The following FAM118B variants were observed in gnomAD, a reference collection of about 807,000 sequenced individuals.
FAM118B encodes SIR2 antiphage like 1, also known as protein FAM118B.
FAM118B carries 24 observed loss-of-function variants against 38.5 expected under a neutral mutation model. That is an observed-to-expected ratio of 0.62 (90% CI 0.45 to 0.88). FAM118B has a LOEUF of 0.88. Among genes scored for constraint, FAM118B ranks in the 40% least tolerant of loss-of-function variants. The probability of loss-of-function intolerance (pLI) is 0.00; values close to 1 mark genes in which losing one functional copy is unlikely to be tolerated. For missense variants in FAM118B, 334 were observed against 420.0 expected (o/e 0.80, Z 1.79); for synonymous variants, 138 against 156.3 (o/e 0.88, Z 0.87).
chr11:126,231,606 C>G (rs1171136867), intron 2 of FAM118B, among the ~76,000 whole-genome samples: 1 of 152,072 alleles, frequency 6.6e-6, no homozygotes, highest in African/African-American at 2.4e-5. Context: ...CATTCAGTAC[C>G]TAAATAAGAA....
At chr11:126,241,888 C>T (rs892702368) in intron 4 of FAM118B, among the ~76,000 whole-genome samples, 11 of 149,972 alleles carry the variant, frequency 7.3e-5, no homozygotes, top group African/African-American at 2.4e-4. Flanking sequence ...TAGGGCCAGG[C>T]GTGGTGGGCA....
Position 126,250,284 on chromosome 11 carries a change from G to T in FAM118B, c.340-222G>T, listed in dbSNP as rs1950483164. Among the ~76,000 whole-genome samples the T allele has an allele frequency of 6.6e-6, 1 of 151,952 alleles. No individual in the cohort carries two copies. Among genetic ancestry groups the T allele is most frequent in the Non-Finnish European group, 1.5e-5 (1 of 67,970 alleles). ...TTTTTTTTATTTTTAGTAGAGACGG[G>T]GTTTCACCGTGTTAGCCAGGATGGT... On this transcript the variant is annotated intron_variant, in intron 4 of 8. Coordinates refer to ENST00000533050, the MANE Select transcript of FAM118B (RefSeq NM_024556.4). This position sits in a 1 kb window ranked among gnomAD's most constrained non-coding sequence, Gnocchi z 5.1.
intron 3 of FAM118B, among the ~76,000 whole-genome samples, chr11:126,238,656 A>G (rs1950313247): frequency 6.6e-6 from 1 of 152,326 alleles, no homozygotes; most frequent in East Asian, 1.9e-4. Context: ...CAACCTCTGC[A>G]GAAGGGAAAC....
At chr11:126,242,737 G>C (rs1021430468) in intron 4 of FAM118B, among the ~76,000 whole-genome samples, 3 of 152,206 alleles carry the variant, frequency 2.0e-5, no homozygotes, top group African/African-American at 7.2e-5. Flanking sequence ...AATAATAAGT[G>C]TTATTAAGGA....
chr11:126,262,006 G>C, intron 8 of FAM118B, 114 bp from the exon 9 acceptor site: 1 of 943,376 alleles, frequency 1.1e-6, no homozygotes, highest in Non-Finnish European at 1.6e-6. Flanking sequence ...AAGATTCCTA[G>C]AATCTCCTGT....
rs559194884 is a variant in FAM118B at position 126,239,674 on chromosome 11, C to T, written c.87-1118C>T. Among the ~76,000 whole-genome samples the T allele has an allele frequency of 6.0e-4, 91 of 152,254 alleles. 1 individual carries two copies. The highest frequency in any genetic ancestry group is 2.1e-3 in the African/African-American group (89 of 41,550). On this transcript the variant is annotated intron_variant, in intron 3 of 8. Coordinates refer to ENST00000533050, the MANE Select transcript of FAM118B (RefSeq NM_024556.4). ...GACTACAGGTGTGCGCCACCAGACCCAGCTAATTTTTGTATTTTTAGTAGA... is the reference window on the plus strand; with the variant it reads ...GACTACAGGTGTGCGCCACCAGACCTAGCTAATTTTTGTATTTTTAGTAGA...
intron 4 of FAM118B, among the ~76,000 whole-genome samples, chr11:126,243,771 G>A (rs1316325373): frequency 1.3e-5 from 2 of 152,030 alleles, no homozygotes; most frequent in Non-Finnish European, 2.9e-5. Flanking sequence ...GGGCATGGTA[G>A]TGCATGCCTG....
rs1041999349 is a variant in FAM118B, at chr11:126,244,734, C to A, written c.339+3690C>A. Among the ~76,000 whole-genome samples, 2 of 152,046 alleles carry A rather than the reference C, an allele frequency of 1.3e-5. No homozygotes were observed. Among genetic ancestry groups the A allele is most frequent in the African/African-American group, 4.8e-5 (2 of 41,388 alleles). ...CAGGAGAATCACTTGAACCTGGGAG[C>A]AGAGGTTGCAGCGAGCCAGGATCCC... On this transcript the variant is annotated intron_variant, in intron 4 of 8. Coordinates refer to ENST00000533050, the MANE Select transcript of FAM118B (RefSeq NM_024556.4). This position sits in a 1 kb window ranked among gnomAD's most constrained non-coding sequence, Gnocchi z 4.5.
chr11:126,235,021 AG>A lies in FAM118B; in HGVS notation c.22del (p.Ala8ProfsTer4). ...AACTGGATGGCTTCTACAGGGAGCC[AG>A]GCCTCTGATATAGACGAGATTTTTG... MASTGS[Q>X]ASDIDEIFGF... is the part of the protein sequence containing the mutation. On this transcript the variant is annotated frameshift_variant, in exon 3 of 9. Transcript: ENST00000533050. LOFTEE classifies it high-confidence loss of function. 1 of 1,614,144 alleles carries A rather than the reference AG, an allele frequency of 6.2e-7. No individual in the cohort carries two copies. The highest frequency in any genetic ancestry group is 2.2e-5 in the East Asian group (1 of 44,878).
chr11:126,235,756 T>C (rs1041225804), intron 3 of FAM118B, among the ~76,000 whole-genome samples: 1 of 152,202 alleles, frequency 6.6e-6, no homozygotes, highest in African/African-American at 2.4e-5. Context: ...CCTGACCTCG[T>C]GATCCACCCG....
In FAM118B at chr11:126,253,200, A is replaced by G. The variant is rs2135206153; in HGVS notation, c.568-1105A>G. On this transcript the variant is annotated intron_variant, in intron 5 of 8. Transcript: ENST00000533050. The surrounding 1 kb of genome is among the most constrained non-coding windows in gnomAD (Gnocchi z 5.1). ...CATTTGATGTTTTCCTTCTCATTTCATCCTTGGGCCTCAAGATTTGCATTG... is the reference window on the plus strand; with the variant it reads ...CATTTGATGTTTTCCTTCTCATTTCGTCCTTGGGCCTCAAGATTTGCATTG... Among the ~76,000 whole-genome samples, 1 of 152,274 alleles carries G rather than the reference A, an allele frequency of 6.6e-6. No homozygotes were observed. Among genetic ancestry groups the G allele is most frequent in the East Asian group, 1.9e-4 (1 of 5,180 alleles).
chr11:126,257,449 G>C (rs1360789860), intron 7 of FAM118B, among the ~76,000 whole-genome samples: 1 of 151,946 alleles, frequency 6.6e-6, no homozygotes, highest in African/African-American at 2.4e-5. Flanking sequence ...AGATTCTACA[G>C]ATATGCCAAT....
At position 126,221,837 on chromosome 11, in the gene FAM118B, G is replaced by A. The variant is rs973469659; in HGVS notation, c.-76-7388G>A. On this transcript the variant is annotated intron_variant, in intron 1 of 8. Coordinates refer to ENST00000533050, the MANE Select transcript of FAM118B (RefSeq NM_024556.4). ...GTTGGGTGTTTCAGGAGGCAGAGGA[G>A]GATAAACACCAACAATTTCATTGAA... Among the ~76,000 whole-genome samples, 6 of 152,038 alleles carry A rather than the reference G, an allele frequency of 3.9e-5. No homozygotes were observed. In the East Asian group the frequency reaches 7.7e-4, roughly 20 times the overall value.
intron 3 of FAM118B, 96 bp downstream of exon 3, chr11:126,235,183 A>G (rs1950257880): frequency 1.0e-6 from 1 of 981,976 alleles, no homozygotes; most frequent in Admixed American, 2.4e-5. Context: ...TGTTTTCACT[A>G]ATTAGTATTG....
At chr11:126,248,935 T>C (rs1466221960) in intron 4 of FAM118B, among the ~76,000 whole-genome samples, 1 of 152,224 alleles carries the variant, frequency 6.6e-6, no homozygotes, top group South Asian at 2.1e-4. Flanking sequence ...CAAATTCCCT[T>C]CGTCCCAAGA....
chr11:126,262,313 C>A lies in FAM118B; in HGVS notation c.*180C>A. On this transcript the variant is annotated 3_prime_UTR_variant, in exon 9 of 9. Coordinates refer to ENST00000533050, the MANE Select transcript of FAM118B (RefSeq NM_024556.4). ...GCGTAATCCTTCATACCACCTGGTT[C>A]TTGATATTCTGCCGCCTGTTCAAGT... 25 of 497,446 alleles carry A rather than the reference C, an allele frequency of 5.0e-5. No homozygotes were observed. The highest frequency in any genetic ancestry group is 7.7e-5 in the East Asian group (2 of 26,054). The allele number at this position is 497,446 out of a possible 1,614,324, so 30.8% of individuals were successfully genotyped here.
At chr11:126,261,282 T>C (rs1036905021) in intron 7 of FAM118B, 143 bp from the exon 8 acceptor site, 18 of 653,464 alleles carry the variant, frequency 2.8e-5, no homozygotes, top group Non-Finnish European at 3.7e-5. Context: ...TCTGCCTCCT[T>C]ATCTTCTCAA....
At chr11:126,232,561 T>C (rs774067706) in intron 2 of FAM118B, among the ~76,000 whole-genome samples, 5 of 151,978 alleles carry the variant, frequency 3.3e-5, no homozygotes, top group Non-Finnish European at 5.9e-5. Context: ...TCTCTCAATA[T>C]AGTGTTTTTA....
In FAM118B at chr11:126,252,624, T is replaced by G. The variant is rs1950520112; in HGVS notation, c.568-1681T>G. 6.6e-6 allele frequency among the ~76,000 whole-genome samples: 1 copy of G among 152,144 alleles called. No individual in the cohort carries two copies. The highest frequency in any genetic ancestry group is 1.5e-5 in the Non-Finnish European group (1 of 68,028). ...CGGGCATGGTGGTGTTTGCCTGTGG[T>G]CCCAGCTACTTGGGAGGCTGAAGCA... On this transcript the variant is annotated intron_variant, in intron 5 of 8. Coordinates refer to ENST00000533050, the MANE Select transcript of FAM118B (RefSeq NM_024556.4). This position sits in a 1 kb window ranked among gnomAD's most constrained non-coding sequence, Gnocchi z 4.7.
Sources: gnomAD v4.1 joint callset for allele counts (sites outside exome capture counted in the v4.1 genomes callset) on GRCh38, gnomAD v4.1.1 for gene constraint, Gnocchi (gnomAD v3.1) non-coding constraint, MANE v1.5 for transcripts, NCBI Gene and HGNC (gene_info 2026-07-23, HGNC 2026-07-21) for gene names.